The following IQSEC1 variants were observed in gnomAD, a reference collection of about 807,000 sequenced individuals.
IQSEC1 encodes the protein IQ motif and Sec7 domain ArfGEF 1.
Under a neutral mutation model 91.0 loss-of-function variants are expected in IQSEC1, and 31 were observed. The observed-to-expected ratio is 0.34, with a 90% CI of 0.26 to 0.46. The LOEUF (loss-of-function observed/expected upper bound fraction) is 0.46. Ranked by LOEUF, IQSEC1 falls within the 20% of genes least tolerant of loss-of-function variation. IQSEC1 has a pLI of 1.00. For missense variants in IQSEC1, 1,388 were observed against 1,575.6 expected (o/e 0.88, Z 2.02); for synonymous variants, 699 against 662.6 (o/e 1.05, Z -0.84).
chr3:13,038,055 A>G (rs1229879036), intron 1 of IQSEC1, among the ~76,000 whole-genome samples: 1 of 152,026 alleles, frequency 6.6e-6, no homozygotes, highest in African/African-American at 2.4e-5. Context: ...CTTGCAATTT[A>G]TAATACTATG....
intron 1 of IQSEC1, among the ~76,000 whole-genome samples, chr3:13,281,015 T>A (rs948822544): frequency 2.0e-5 from 3 of 152,174 alleles, no homozygotes; most frequent in African/African-American, 7.2e-5. Flanking sequence ...CCTCTCAGCA[T>A]CCTCCTGTCC....
chr3:13,056,459 A>C (rs1201878337), intron 1 of IQSEC1, among the ~76,000 whole-genome samples: 1 of 152,002 alleles, frequency 6.6e-6, no homozygotes, highest in African/African-American at 2.4e-5. Context: ...TCAGGTGCTG[A>C]CAGGATCTCA....
chr3:13,055,597 G>A (rs142954112), intron 1 of IQSEC1, among the ~76,000 whole-genome samples: 16 of 152,348 alleles, frequency 1.1e-4, no homozygotes, highest in African/African-American at 3.1e-4. Flanking sequence ...TTCACCACCC[G>A]TGTAGAGCAG....
At chr3:13,150,369 G>C (rs966035197) in intron 2 of IQSEC1, among the ~76,000 whole-genome samples, 1 of 152,292 alleles carries the variant, frequency 6.6e-6, no homozygotes, top group Middle Eastern at 3.4e-3. Context: ...TCTGCAAAGG[G>C]AATGTGGTTG....
intron 1 of IQSEC1, among the ~76,000 whole-genome samples, chr3:13,204,675 G>A (rs1694309674): frequency 6.6e-6 from 1 of 152,332 alleles, no homozygotes; most frequent in East Asian, 1.9e-4. Context: ...CTCAGAAGGG[G>A]CGGCTCGGGT....
At chr3:13,032,302 G>A (rs1345980460) in intron 1 of IQSEC1, among the ~76,000 whole-genome samples, 1 of 152,186 alleles carries the variant, frequency 6.6e-6, no homozygotes, top group East Asian at 1.9e-4. Context: ...CTGACCTCAT[G>A]CGGTCCTCTA....
chr3:12,948,171 G>A (rs1472952727), intron 1 of IQSEC1, among the ~76,000 whole-genome samples: 1 of 152,220 alleles, frequency 6.6e-6, no homozygotes, highest in African/African-American at 2.4e-5. Flanking sequence ...AAGACTTAGT[G>A]GAGCTAATTA....
At chr3:12,944,534 C>CTCCAGG (rs1222944881) in intron 1 of IQSEC1, among the ~76,000 whole-genome samples, 2 of 152,150 alleles carry the variant, frequency 1.3e-5, no homozygotes, top group Admixed American at 6.6e-5. Context: ...CACGCCTCTG[C>CTCCAGG]TCCAGGCCTG....
chr3:13,054,032 G>A (rs6784345), intron 1 of IQSEC1, among the ~76,000 whole-genome samples: 19,161 of 152,118 alleles, frequency 0.13, 2,222 homozygotes, highest in African/African-American at 0.31. Flanking sequence ...ACTTCGCACC[G>A]TCTCTCGAGT....
chr3:13,058,252 G>A (rs184617522), intron 1 of IQSEC1, among the ~76,000 whole-genome samples: 14 of 152,322 alleles, frequency 9.2e-5, no homozygotes, highest in African/African-American at 3.1e-4. Context: ...CAGCCTGGGC[G>A]ACAGAGGGAG....
In IQSEC1 at chr3:13,207,040, T is replaced by C. The variant is rs1694357441; in HGVS notation, c.273-42907A>G. Among the ~76,000 whole-genome samples, 1 of 152,074 alleles carries C rather than the reference T, an allele frequency of 6.6e-6. No homozygotes were observed. Among genetic ancestry groups the C allele is most frequent in the South Asian group, 2.1e-4 (1 of 4,826 alleles). On this transcript the variant is annotated intron_variant, in intron 1 of 15. Transcript: ENST00000648114. The surrounding 1 kb of genome is among the most constrained non-coding windows in gnomAD (Gnocchi z 4.8). ...GACTGGTCATTTCCCATCTCTAGCA[T>C]ATTAGCCAGGACAGCATCTGAGCTT... is the stretch of plus-strand genomic sequence containing the variant.
rs373163167 is a variant in IQSEC1, at chr3:12,920,646, G to A, written c.1854-50C>T. 2.9e-5 allele frequency: 46 copies of A among 1,583,488 alleles called. No homozygotes were observed. The Admixed American group carries it at 6.2e-4, about 21-fold the overall frequency. Reference sequence around the variant, plus strand: ...AGGGCCATGGCGCAGCAAGTGACACGGCCCCTCTCTCACCCGCTGAGGCTG... The same window carrying A: ...AGGGCCATGGCGCAGCAAGTGACACAGCCCCTCTCTCACCCGCTGAGGCTG... On this transcript the variant is annotated intron_variant, in intron 5 of 13. Transcript: ENST00000613206.
At chr3:13,237,715 G>A (rs1201326533) in intron 1 of IQSEC1, among the ~76,000 whole-genome samples, 1 of 152,216 alleles carries the variant, frequency 6.6e-6, no homozygotes. Flanking sequence ...CTCCGCGGTC[G>A]GTTTCCTCCT....
intron 1 of IQSEC1, among the ~76,000 whole-genome samples, chr3:13,034,909 T>C (rs971698406): frequency 5.9e-5 from 9 of 152,236 alleles, no homozygotes; most frequent in Admixed American, 3.9e-4. Context: ...AGTATTCCCA[T>C]GCTCCCAGGG....
In IQSEC1 at chr3:13,049,668, C is replaced by T. The variant is rs147646810; in HGVS notation, c.23+23324G>A. Among the ~76,000 whole-genome samples the T allele has an allele frequency of 7.2e-5, 11 of 152,304 alleles. No homozygotes were observed. In the East Asian group the frequency reaches 1.7e-3, roughly 24 times the overall value. On this transcript the variant is annotated intron_variant, in intron 1 of 13. Coordinates refer to ENST00000613206, the MANE Select transcript of IQSEC1 (RefSeq NM_001134382.3). ...CTACCTTGCACCCTCCCTCAGCGGA[C>T]TCCTTTCTTCCTTCTTCCTTTCCTG...
At chr3:12,923,361 T>C (rs1490187875) in intron 4 of IQSEC1, among the ~76,000 whole-genome samples, 1 of 152,046 alleles carries the variant, frequency 6.6e-6, no homozygotes, top group Admixed American at 6.6e-5. Flanking sequence ...TCATGGGCTT[T>C]CCCCTGGACC....
intron 1 of IQSEC1, among the ~76,000 whole-genome samples, chr3:13,174,281 G>C (rs1233225970): frequency 6.6e-6 from 1 of 152,312 alleles, no homozygotes; most frequent in East Asian, 1.9e-4. Flanking sequence ...CCCCGGAAAG[G>C]CTTTGTCCTC....
intron 1 of IQSEC1, among the ~76,000 whole-genome samples, chr3:12,955,204 C>T (rs544522042): frequency 1.3e-5 from 2 of 152,376 alleles, no homozygotes; most frequent in African/African-American, 4.8e-5. Context: ...GTCCTGCAGG[C>T]CTCAAGTCAC....
At chr3:13,042,271 C>T (rs995229868) in intron 1 of IQSEC1, 2 of 152,302 alleles carry the variant, frequency 1.3e-5, no homozygotes, top group Non-Finnish European at 2.9e-5. Flanking sequence ...AGGCTCTCCC[C>T]AGAGGGTCGA....
Sources: gnomAD v4.1 joint callset for allele counts (sites outside exome capture counted in the v4.1 genomes callset) on GRCh38, gnomAD v4.1.1 for gene constraint, Gnocchi (gnomAD v3.1) non-coding constraint, MANE v1.5 for transcripts, NCBI Gene and HGNC (gene_info 2026-07-23, HGNC 2026-07-21) for gene names.